CEP112: variants seen among roughly 807,000 people sequenced by gnomAD.
CEP112 encodes the protein centrosomal protein of 112 kDa.
A neutral mutation model predicts 153.0 loss-of-function variants in CEP112; 127 were observed. The observed-to-expected ratio is 0.83, with a 90% CI of 0.72 to 0.96. CEP112 has a LOEUF of 0.96. CEP112 is among the 40% of genes least tolerant of loss of function. The pLI is 0.00. For missense variants in CEP112, 1,089 were observed against 1,101.2 expected (o/e 0.99, Z 0.16); for synonymous variants, 358 against 374.4 (o/e 0.96, Z 0.51).
At chr17:65,731,783 A>G (rs2050521600) in intron 23 of CEP112, among the ~76,000 whole-genome samples, 1 of 152,208 alleles carries the variant, frequency 6.6e-6, no homozygotes, top group Non-Finnish European at 1.5e-5. Context: ...CCATCTCAAG[A>G]AAACATTGTC....
intron 20 of CEP112, among the ~76,000 whole-genome samples, chr17:65,887,226 G>T (rs1312390264): frequency 1.3e-5 from 2 of 152,152 alleles, no homozygotes; most frequent in Non-Finnish European, 2.9e-5. Context: ...TTGCACTTCA[G>T]AGCTGCATAG....
At chr17:66,096,834 C>T (rs2068367626) in intron 6 of CEP112, among the ~76,000 whole-genome samples, 1 of 152,236 alleles carries the variant, frequency 6.6e-6, no homozygotes, top group Admixed American at 6.5e-5. Flanking sequence ...CCCTTGCATG[C>T]CAAAATGAAC....
intron 23 of CEP112, among the ~76,000 whole-genome samples, chr17:65,741,559 A>G (rs2051139981): frequency 6.6e-6 from 1 of 151,408 alleles, no homozygotes. Flanking sequence ...TAAAACTGTA[A>G]GAATTAGTTT....
intron 21 of CEP112, among the ~76,000 whole-genome samples, chr17:65,779,475 A>G (rs1193423834): frequency 6.6e-6 from 1 of 152,202 alleles, no homozygotes; most frequent in Non-Finnish European, 1.5e-5. Context: ...GTCAAGGACA[A>G]GTTCTCAGTT....
At chr17:66,011,256 T>C (rs1419549874) in intron 16 of CEP112, among the ~76,000 whole-genome samples, 1 of 152,154 alleles carries the variant, frequency 6.6e-6, no homozygotes, top group Non-Finnish European at 1.5e-5. Context: ...TTATTTCTTG[T>C]CTTCTGCTAG....
At chr17:66,185,308 C>T (rs778769445) in intron 1 of CEP112, among the ~76,000 whole-genome samples, 5 of 152,132 alleles carry the variant, frequency 3.3e-5, no homozygotes, top group East Asian at 1.9e-4. Context: ...CTGCAACCTC[C>T]GCCTCCTGGG....
At chr17:66,046,284 TGCCCGCCTCG>T (rs1424277505) in intron 12 of CEP112, among the ~76,000 whole-genome samples, 3 of 152,082 alleles carry the variant, frequency 2.0e-5, no homozygotes, top group Non-Finnish European at 4.4e-5. Context: ...CCTTGTGATC[TGCCCGCCTCG>T]GCCTCCCAAA....
At chr17:65,968,115 C>T (rs1368121572) in intron 17 of CEP112, among the ~76,000 whole-genome samples, 3 of 151,928 alleles carry the variant, frequency 2.0e-5, no homozygotes, top group East Asian at 3.9e-4. Flanking sequence ...AAGGAAATTA[C>T]GTTATTCTTG....
At chr17:65,919,559 T>G (rs902534731) in intron 19 of CEP112, among the ~76,000 whole-genome samples, 1 of 152,094 alleles carries the variant, frequency 6.6e-6, no homozygotes, top group African/African-American at 2.4e-5. Flanking sequence ...GCCAGACAGG[T>G]ACCTAAATGA....
intron 20 of CEP112, among the ~76,000 whole-genome samples, chr17:65,867,334 C>G (rs908421790): frequency 2.0e-5 from 3 of 152,180 alleles, no homozygotes; most frequent in African/African-American, 7.2e-5. Context: ...CACAGCCTGC[C>G]AGGCCAAGTG....
At chr17:66,152,884 A>C (rs1050558116) in intron 4 of CEP112, among the ~76,000 whole-genome samples, 1 of 152,214 alleles carries the variant, frequency 6.6e-6, no homozygotes, top group Admixed American at 6.5e-5. Flanking sequence ...TAGAACAGAC[A>C]TTTCTTCAAA....
At chr17:65,703,302 A>C (rs1217243812) in intron 23 of CEP112, among the ~76,000 whole-genome samples, 1 of 151,980 alleles carries the variant, frequency 6.6e-6, no homozygotes, top group Non-Finnish European at 1.5e-5. Flanking sequence ...CATGAGGTCA[A>C]GAGTTCAAGA....
rs559258104 is a variant in CEP112 at position 65,955,065 on chromosome 17, C to G, written c.1872+6398G>C. ...TCATCGCCTAGGCACATAGTCATCA[C>G]GTTATCTAAAGTCAAGACAAAGGAA... On this transcript the variant is annotated intron_variant, in intron 18 of 26. Coordinates refer to ENST00000535342, the MANE Select transcript of CEP112 (RefSeq NM_001199165.4). Among the ~76,000 whole-genome samples the G allele has an allele frequency of 3.7e-4, 56 of 152,244 alleles. No individual in the cohort carries two copies. In the South Asian group the frequency reaches 0.011, roughly 30 times the overall value.
intron 12 of CEP112, among the ~76,000 whole-genome samples, chr17:66,036,041 A>T (rs898481414): frequency 3.3e-5 from 5 of 152,222 alleles, no homozygotes; most frequent in Non-Finnish European, 7.3e-5. Flanking sequence ...GCCATTAAAA[A>T]GGGAAAGCCT....
chr17:65,670,304 A>T (rs1381531083), intron 24 of CEP112, among the ~76,000 whole-genome samples: 1 of 151,388 alleles, frequency 6.6e-6, no homozygotes, highest in Non-Finnish European at 1.5e-5. Context: ...AACAGGCAGG[A>T]TTTCAACTCA....
chr17:65,992,308 T>C (rs905643820), intron 17 of CEP112, among the ~76,000 whole-genome samples: 2 of 152,156 alleles, frequency 1.3e-5, no homozygotes, highest in African/African-American at 4.8e-5. Context: ...TTTTCACTCA[T>C]GTTTAAAAAT....
At chr17:65,768,271 A>ACT (rs2053121314) in intron 21 of CEP112, among the ~76,000 whole-genome samples, 1 of 152,162 alleles carries the variant, frequency 6.6e-6, no homozygotes, top group African/African-American at 2.4e-5. Flanking sequence ...TTTAATATTC[A>ACT]TTAAGTGGGA....
At chr17:65,975,645 C>T (rs1599228401) in intron 17 of CEP112, among the ~76,000 whole-genome samples, 2 of 152,274 alleles carry the variant, frequency 1.3e-5, no homozygotes, top group African/African-American at 4.8e-5. Flanking sequence ...ACAAAAAATA[C>T]ACTACATATA....
chr17:65,896,467 A>G (rs1282795586), intron 20 of CEP112, among the ~76,000 whole-genome samples: 1 of 152,118 alleles, frequency 6.6e-6, no homozygotes, highest in African/African-American at 2.4e-5. Flanking sequence ...TACTTAAAGC[A>G]GCATTTTCCT....
Sources: allele counts gnomAD v4.1 joint callset (sites outside exome capture counted in the v4.1 genomes callset), GRCh38; gene constraint gnomAD v4.1.1; transcripts MANE v1.5; gene names NCBI Gene and HGNC (gene_info 2026-07-23, HGNC 2026-07-21).